Variants in CFAP20DC observed in about 807,000 individuals in gnomAD.
The protein encoded by CFAP20DC is CFAP20 domain containing, also known as protein CFAP20DC.
In CFAP20DC, 84 loss-of-function variants were observed where a neutral mutation model predicts 101.7. That is an observed-to-expected ratio of 0.83 (90% CI 0.69 to 0.99). The LOEUF (loss-of-function observed/expected upper bound fraction) is 0.99. Among genes scored for constraint, CFAP20DC ranks in the 50% least tolerant of loss-of-function variants. The probability of loss-of-function intolerance (pLI) is 0.00; values close to 1 mark genes in which losing one functional copy is unlikely to be tolerated. For synonymous variants in CFAP20DC, 359 were observed against 351.2 expected (o/e 1.02, Z -0.25); for missense variants, 1,007 against 970.3 (o/e 1.04, Z -0.50).
At chr3:58,726,860 A>G (rs1232155674) in intron 3 of CFAP20DC, 1 of 262,998 alleles carries the variant, frequency 3.8e-6, no homozygotes, top group Non-Finnish European at 7.5e-6. Flanking sequence ...TTCCACTCAC[A>G]CCATCAGAAG....
chr3:58,895,794 A>T (rs906403065), intron 6 of CFAP20DC, among the ~76,000 whole-genome samples: 1 of 152,236 alleles, frequency 6.6e-6, no homozygotes, highest in Non-Finnish European at 1.5e-5. Flanking sequence ...ACAGTTCTAC[A>T]TGGCTGGGGA....
chr3:58,831,639 T>G, intron 14 of CFAP20DC, 47 bp downstream of exon 14: 1 of 1,542,818 alleles, frequency 6.5e-7, no homozygotes, highest in Non-Finnish European at 8.9e-7. Flanking sequence ...GAAAAAAGCT[T>G]GCTCCTTGTT....
chr3:58,949,262 GT>G (rs936794389), intron 4 of CFAP20DC, among the ~76,000 whole-genome samples: 4 of 151,722 alleles, frequency 2.6e-5, no homozygotes, highest in Admixed American at 6.6e-5. Flanking sequence ...TTTTTTGAAG[GT>G]TTTTTTTGTC....
In CFAP20DC at chr3:58,870,403, T is replaced by C. The variant is rs185332562; in HGVS notation, c.716-94A>G. 54 of 1,297,330 alleles carry C rather than the reference T, an allele frequency of 4.2e-5. 1 individual carries two copies. Among genetic ancestry groups the C allele is most frequent in the African/African-American group, 5.8e-5 (4 of 68,472 alleles). 80.4% of individuals were successfully genotyped at this position (1,297,330 alleles called of 1,614,324 possible). On this transcript the variant is annotated intron_variant, in intron 7 of 16. Coordinates refer to ENST00000482387, the MANE Select transcript of CFAP20DC (RefSeq NM_001394063.1). ...TTCTAAAAATCCAGTCCAGGTGCCA[T>C]AGGATCCAAATCCCCCCTCCCCCCT... is the stretch of plus-strand genomic sequence containing the variant.
intron 5 of CFAP20DC, among the ~76,000 whole-genome samples, chr3:58,937,199 T>C (rs1426642830): frequency 6.6e-6 from 1 of 152,190 alleles, no homozygotes; most frequent in Non-Finnish European, 1.5e-5. Context: ...GGCAACAAGA[T>C]TAATTGTTCA....
intron 6 of CFAP20DC, among the ~76,000 whole-genome samples, chr3:58,888,988 G>C (rs1382750864): frequency 1.5e-5 from 2 of 131,788 alleles, no homozygotes; most frequent in Non-Finnish European, 3.4e-5. Flanking sequence ...AGCATCTATT[G>C]TTTTTTTTTT....
chr3:58,866,549 G>A lies in CFAP20DC; in HGVS notation c.1258+17C>T. Reference sequence around the variant, plus strand: ...TTTATTCATTATTAACAGATATGGTGTAATAAAGATGCCAACCTGATTGAT... The same window carrying A: ...TTTATTCATTATTAACAGATATGGTATAATAAAGATGCCAACCTGATTGAT... On this transcript the variant is annotated intron_variant, in intron 11 of 16. Coordinates refer to ENST00000482387, the MANE Select transcript of CFAP20DC (RefSeq NM_001394063.1). 1 of 1,586,114 alleles carries A rather than the reference G, an allele frequency of 6.3e-7. No homozygotes were observed.
chr3:58,872,882 C>T (rs1399559452), intron 7 of CFAP20DC, among the ~76,000 whole-genome samples: 1 of 150,870 alleles, frequency 6.6e-6, no homozygotes, highest in Non-Finnish European at 1.5e-5. Flanking sequence ...ATGCTGGATG[C>T]TGTAAGGCAG....
At chr3:58,956,266 T>C (rs1383124778) in intron 4 of CFAP20DC, among the ~76,000 whole-genome samples, 2 of 151,860 alleles carry the variant, frequency 1.3e-5, no homozygotes, top group African/African-American at 4.8e-5. Flanking sequence ...TTGGAAGGCA[T>C]TTCTGAATCT....
chr3:58,928,155 G>C (rs2086190294), intron 5 of CFAP20DC, among the ~76,000 whole-genome samples: 1 of 152,148 alleles, frequency 6.6e-6, no homozygotes, highest in African/African-American at 2.4e-5. Flanking sequence ...ATAGGGACTG[G>C]AGATGATACA....
At chr3:58,873,031 C>T (rs1260422707) in intron 7 of CFAP20DC, among the ~76,000 whole-genome samples, 5 of 149,570 alleles carry the variant, frequency 3.3e-5, no homozygotes, top group Admixed American at 6.7e-5. Context: ...TGCTGTAAGG[C>T]GGGTGCTCAA....
intron 15 of CFAP20DC, among the ~76,000 whole-genome samples, chr3:58,791,225 T>C (rs1336063427): frequency 6.6e-6 from 1 of 152,188 alleles, no homozygotes; most frequent in Non-Finnish European, 1.5e-5. Context: ...CTAATATTAC[T>C]ATTAATATCC....
intron 4 of CFAP20DC, among the ~76,000 whole-genome samples, chr3:58,986,713 A>G (rs975980797): frequency 2.6e-5 from 4 of 151,906 alleles, no homozygotes; most frequent in African/African-American, 7.3e-5. Flanking sequence ...AACTCGTTCT[A>G]TGTCAGTAAA....
intron 16 of CFAP20DC, among the ~76,000 whole-genome samples, chr3:58,747,522 C>T (rs2068285935): frequency 6.6e-6 from 1 of 152,140 alleles, no homozygotes. Context: ...TGAATCAAGA[C>T]ATTGAACTGG....
intron 12 of CFAP20DC, among the ~76,000 whole-genome samples, chr3:58,853,923 A>C (rs1427612002): frequency 4.6e-5 from 7 of 151,720 alleles, no homozygotes; most frequent in Non-Finnish European, 7.4e-5. Flanking sequence ...GAAAACTGGC[A>C]CAAGACAGGG....
chr3:58,931,548 C>A (rs889642339), intron 5 of CFAP20DC, among the ~76,000 whole-genome samples: 1 of 152,164 alleles, frequency 6.6e-6, no homozygotes, highest in Non-Finnish European at 1.5e-5. Context: ...TGACACTTCA[C>A]ACGGGCGGGT....
At chr3:58,725,534 C>T (rs769654512) in intron 3 of CFAP20DC, among the ~76,000 whole-genome samples, 3 of 152,190 alleles carry the variant, frequency 2.0e-5, no homozygotes, top group African/African-American at 7.2e-5. Context: ...AGGTGTCAGT[C>T]GCATGACCAC....
intron 3 of CFAP20DC, among the ~76,000 whole-genome samples, chr3:59,039,881 C>T (rs6446007): frequency 0.22 from 32,945 of 151,598 alleles, 3,859 homozygotes; most frequent in African/African-American, 0.3. Flanking sequence ...ATTAAAATTT[C>T]AAAAATAATA....
intron 5 of CFAP20DC, among the ~76,000 whole-genome samples, chr3:58,932,307 T>C (rs2086825421): frequency 1.3e-5 from 2 of 152,166 alleles, no homozygotes; most frequent in African/African-American, 4.8e-5. Context: ...TTGGTGTACC[T>C]GAAAGTGATG....
Sources: gnomAD v4.1 joint callset for allele counts (sites outside exome capture counted in the v4.1 genomes callset) on GRCh38, gnomAD v4.1.1 for gene constraint, MANE v1.5 for transcripts, NCBI Gene and HGNC (gene_info 2026-07-23, HGNC 2026-07-21) for gene names.